ZMIZ1: variants seen among roughly 807,000 people sequenced by gnomAD.
ZMIZ1 encodes zinc finger MIZ domain-containing protein 1.
A neutral mutation model predicts 113.9 loss-of-function variants in ZMIZ1; 17 were observed. The observed-to-expected ratio is 0.15, with a 90% CI of 0.10 to 0.22. The LOEUF is 0.22. Among genes scored for constraint, ZMIZ1 ranks in the 10% least tolerant of loss-of-function variants. The pLI is 1.00. For synonymous variants in ZMIZ1, 607 were observed against 603.1 expected (o/e 1.01, Z -0.09); for missense variants, 1,059 against 1,477.8 (o/e 0.72, Z 4.65).
chr10:79,239,068 G>A (rs1849706341), intron 7 of ZMIZ1, among the ~76,000 whole-genome samples: 1 of 152,200 alleles, frequency 6.6e-6, no homozygotes, highest in Non-Finnish European at 1.5e-5. Flanking sequence ...AAGACCTGAG[G>A]AGGTTGACCA....
At position 79,249,586 on chromosome 10, in the gene ZMIZ1, G is replaced by A. The variant is rs140857733; in HGVS notation, c.281-27595G>A. ...GGGATTTACTGTGCTGTCCAGTATA[G>A]CAGCCACACATGTATTTAAATGTAC... On this transcript the variant is annotated intron_variant, in intron 7 of 24. Transcript: ENST00000334512. 4.8e-4 allele frequency among the ~76,000 whole-genome samples: 73 copies of A among 152,330 alleles called. No individual in the cohort carries two copies. In the East Asian group the frequency reaches 8.5e-3, roughly 18 times the overall value.
chr10:79,308,842 A>G (rs1384912641), intron 23 of ZMIZ1, among the ~76,000 whole-genome samples: 1 of 151,984 alleles, frequency 6.6e-6, no homozygotes, highest in Non-Finnish European at 1.5e-5. Context: ...ACACTGGAAT[A>G]TGGAGTGCTG....
At chr10:79,163,397 T>A (rs556300520) in intron 4 of ZMIZ1, among the ~76,000 whole-genome samples, 11 of 152,364 alleles carry the variant, frequency 7.2e-5, no homozygotes, top group African/African-American at 2.4e-4. Context: ...AGCTTTCTCA[T>A]CTGAAAATGA....
chr10:79,304,225 T>TG, intron 19 of ZMIZ1, 50 bp downstream of exon 19: 1 of 1,585,348 alleles, frequency 6.3e-7, no homozygotes, highest in South Asian at 1.2e-5. Flanking sequence ...AGACTCTGGC[T>TG]GGGATGGTGA....
At chr10:79,142,786 T>C (rs1845328364) in intron 3 of ZMIZ1, among the ~76,000 whole-genome samples, 2 of 152,216 alleles carry the variant, frequency 1.3e-5, no homozygotes, top group Non-Finnish European at 2.9e-5. Flanking sequence ...GCTAGCACTA[T>C]GGACCTCCCT....
Position 79,300,739 on chromosome 10 carries a change from C to T in ZMIZ1, c.1816C>T (p.Leu606=), listed in dbSNP as rs769060061. Reference sequence around the variant, plus strand: ...CCCTCGTTCCCCACCTAGGTCTGACCTGGAGCTGCAGTTCAAGTGCTACCA... The same window carrying T: ...CCCTCGTTCCCCACCTAGGTCTGACTTGGAGCTGCAGTTCAAGTGCTACCA... ...VHQTLMWRSD[L]ELQFKCYHHE... Residue 606 remains leucine, a synonymous_variant, in exon 17 of 25, where the codon CTG becomes TTG. Transcript: ENST00000334512. 1.9e-6 allele frequency: 3 copies of T among 1,613,612 alleles called. No individual in the cohort carries two copies. The highest frequency in any genetic ancestry group is 2.5e-6 in the Non-Finnish European group (3 of 1,180,004).
intron 21 of ZMIZ1, 109 bp from the exon 22 acceptor site, chr10:79,305,991 G>T (rs1589611298): frequency 2.0e-6 from 3 of 1,500,236 alleles, no homozygotes; most frequent in Non-Finnish European, 1.8e-6. Flanking sequence ...GTGAGAGTGG[G>T]AGCAGGGGCC....
intron 1 of ZMIZ1, among the ~76,000 whole-genome samples, chr10:79,071,503 T>C (rs1842286599): frequency 6.6e-6 from 1 of 151,936 alleles, no homozygotes; most frequent in Non-Finnish European, 1.5e-5. Flanking sequence ...GTCCCGGGAG[T>C]GTGAAGCTGC....
chr10:79,085,311 C>T (rs757096176), intron 1 of ZMIZ1, among the ~76,000 whole-genome samples: 48 of 152,056 alleles, frequency 3.2e-4, no homozygotes, highest in East Asian at 5.8e-4. Flanking sequence ...CACCAGGGCT[C>T]GGATGTAGCC....
At chr10:79,178,109 C>T (rs1256193844) in intron 4 of ZMIZ1, among the ~76,000 whole-genome samples, 1 of 152,132 alleles carries the variant, frequency 6.6e-6, no homozygotes, top group Non-Finnish European at 1.5e-5. Context: ...TGGGGAGATG[C>T]CCCCCACCCT....
chr10:79,287,504 C>G (rs1853162495), intron 8 of ZMIZ1, among the ~76,000 whole-genome samples: 2 of 152,266 alleles, frequency 1.3e-5, no homozygotes, highest in Non-Finnish European at 2.9e-5. Flanking sequence ...GCATTCTCCT[C>G]TTTGAGCCAC....
intron 1 of ZMIZ1, among the ~76,000 whole-genome samples, chr10:79,110,213 C>A (rs1843689272): frequency 6.6e-6 from 1 of 152,244 alleles, no homozygotes; most frequent in South Asian, 2.1e-4. Context: ...GTAGTAGTAT[C>A]CATCTCCTGG....
chr10:79,242,238 T>G (rs1849870552), intron 7 of ZMIZ1, among the ~76,000 whole-genome samples: 1 of 151,978 alleles, frequency 6.6e-6, no homozygotes. Flanking sequence ...GGAAGAGGCC[T>G]CGGCCACCAC....
chr10:79,093,185 G>T, intron 1 of ZMIZ1, among the ~76,000 whole-genome samples: 1 of 145,618 alleles, frequency 6.9e-6, no homozygotes, highest in African/African-American at 2.6e-5. Context: ...CATATTCAGG[G>T]GATGCTTTAG....
chr10:79,092,746 G>A (rs769986083), intron 1 of ZMIZ1, among the ~76,000 whole-genome samples: 55 of 152,156 alleles, frequency 3.6e-4, no homozygotes, highest in Admixed American at 2.9e-3. Context: ...ATATCTCCCA[G>A]CAAGCCTTGC....
In ZMIZ1 at chr10:79,122,871, G is replaced by A. The variant is rs546145991; in HGVS notation, c.-227+3847G>A. On this transcript the variant is annotated intron_variant, in intron 2 of 24. Transcript: ENST00000334512. ...CCACCCTCGGCCGCCTCATCTTGCA[G>A]CATTTGGGAAAACTGGCTTTTCCCT... is the stretch of plus-strand genomic sequence containing the variant. 2.2e-4 allele frequency among the ~76,000 whole-genome samples: 34 copies of A among 152,326 alleles called. No individual in the cohort carries two copies. The East Asian group carries it at 6.4e-3, about 29-fold the overall frequency.
In ZMIZ1 at chr10:79,299,186, G is replaced by A. The variant is rs749968230; in HGVS notation, c.1803G>A (p.Met601Ile). ...HLRPTVHQTL[M>I]WRSDLELQFK... is the part of the protein sequence containing the mutation. ...GGCCCACGGTCCACCAGACGCTGATGTGGAGGTGCGTGTCAGGGCAGGGGC... is the reference window on the plus strand; with the variant it reads ...GGCCCACGGTCCACCAGACGCTGATATGGAGGTGCGTGTCAGGGCAGGGGC... The change falls in exon 16 of 25, where the codon ATG (methionine) becomes ATA (isoleucine). Residue 601 changes from methionine (M) to isoleucine (I), a missense_variant. Physicochemically the swap from Met to Ile is conservative, Grantham distance 10. Around this residue, in one of 6 missense-constraint regions of ZMIZ1, gnomAD observed 217 missense variants for 426.9 expected, o/e 0.51. Coordinates refer to ENST00000334512, the MANE Select transcript of ZMIZ1 (RefSeq NM_020338.4). 15 of 1,603,524 alleles carry A rather than the reference G, an allele frequency of 9.4e-6. No homozygotes were observed. Among genetic ancestry groups the A allele is most frequent in the Admixed American group, 1.7e-5 (1 of 59,814 alleles).
intron 4 of ZMIZ1, among the ~76,000 whole-genome samples, chr10:79,194,665 C>T (rs963761808): frequency 4.6e-5 from 7 of 152,202 alleles, no homozygotes; most frequent in African/African-American, 1.4e-4. Flanking sequence ...GCTCTGCTCA[C>T]GATGCCCTCC....
At chr10:79,166,088 T>A (rs1846337130) in intron 4 of ZMIZ1, among the ~76,000 whole-genome samples, 1 of 151,866 alleles carries the variant, frequency 6.6e-6, no homozygotes, top group Admixed American at 6.6e-5. Flanking sequence ...CATCTCTCCC[T>A]GCAGCTCTCT....
Sources: gnomAD v4.1 joint callset for allele counts (sites outside exome capture counted in the v4.1 genomes callset) on GRCh38, gnomAD v4.1.1 for gene constraint, gnomAD v4.1.1 regional missense constraint, MANE v1.5 for transcripts, NCBI Gene and HGNC (gene_info 2026-07-23, HGNC 2026-07-21) for gene names.